CNTN4: variants seen among roughly 807,000 people sequenced by gnomAD.
CNTN4 encodes the protein contactin 4.
Under a neutral mutation model 122.5 loss-of-function variants are expected in CNTN4, and 77 were observed. The ratio of observed to expected loss-of-function variants is 0.63; its 90% confidence interval spans 0.52 to 0.76. CNTN4 has a LOEUF of 0.76. Ranked by LOEUF, CNTN4 falls within the 30% of genes least tolerant of loss-of-function variation. The probability of loss-of-function intolerance (pLI) is 0.00; values close to 1 mark genes in which losing one functional copy is unlikely to be tolerated. For synonymous variants in CNTN4, 512 were observed against 447.0 expected (o/e 1.15, Z -1.83); for missense variants, 1,256 against 1,259.1 (o/e 1.00, Z 0.04).
At chr3:2,274,432 A>C (rs374136789) in intron 2 of CNTN4, among the ~76,000 whole-genome samples, 2 of 152,058 alleles carry the variant, frequency 1.3e-5, no homozygotes, top group African/African-American at 4.8e-5. Context: ...CATTCTAGAC[A>C]TTATTTGTTT....
At chr3:3,053,232 G>C (rs1226654848) in intron 23 of CNTN4, among the ~76,000 whole-genome samples, 1 of 152,028 alleles carries the variant, frequency 6.6e-6, no homozygotes, top group Non-Finnish European at 1.5e-5. Flanking sequence ...ACAGGGTTTC[G>C]CCATGTTGGT....
intron 12 of CNTN4, among the ~76,000 whole-genome samples, chr3:2,919,319 T>A (rs2094402943): frequency 7.4e-6 from 1 of 134,394 alleles, no homozygotes; most frequent in Non-Finnish European, 1.5e-5. Context: ...ACCACTGCAC[T>A]CCAGCCTGGG....
chr3:2,860,340 G>A (rs1437539808), intron 7 of CNTN4, among the ~76,000 whole-genome samples: 1 of 152,172 alleles, frequency 6.6e-6, no homozygotes, highest in African/African-American at 2.4e-5. Context: ...GGGTGTAGGA[G>A]TGGCGACTGG....
intron 2 of CNTN4, among the ~76,000 whole-genome samples, chr3:2,224,676 A>G (rs1482521235): frequency 6.6e-6 from 1 of 152,190 alleles, no homozygotes; most frequent in Non-Finnish European, 1.5e-5. Flanking sequence ...GGTAATATAG[A>G]AGACTTTAGC....
At chr3:2,161,423 G>A (rs1487212879) in intron 2 of CNTN4, among the ~76,000 whole-genome samples, 1 of 152,038 alleles carries the variant, frequency 6.6e-6, no homozygotes, top group African/African-American at 2.4e-5. Flanking sequence ...GCTTGGGGTC[G>A]GGGTGGCTTG....
chr3:3,044,360 G>T (rs1358097367), intron 23 of CNTN4, among the ~76,000 whole-genome samples: 1 of 152,160 alleles, frequency 6.6e-6, no homozygotes, highest in Non-Finnish European at 1.5e-5. Context: ...TTATGACTTT[G>T]CAATGTGGAT....
intron 4 of CNTN4, among the ~76,000 whole-genome samples, chr3:2,626,454 G>A (rs1022455996): frequency 4.7e-5 from 7 of 150,174 alleles, no homozygotes; most frequent in Non-Finnish European, 7.4e-5. Context: ...CCGAGATCGC[G>A]CCACCGCACT....
At chr3:2,720,521 G>A (rs1204535729) in intron 4 of CNTN4, among the ~76,000 whole-genome samples, 4 of 152,154 alleles carry the variant, frequency 2.6e-5, no homozygotes, top group Non-Finnish European at 5.9e-5. Context: ...GTGGAAAGAT[G>A]TGCTTGCTCA....
intron 3 of CNTN4, among the ~76,000 whole-genome samples, chr3:2,363,239 C>T (rs369974021): frequency 6.6e-4 from 100 of 152,288 alleles, no homozygotes; most frequent in African/African-American, 2.3e-3. Flanking sequence ...TTTCAAATGT[C>T]TCCTATGTAA....
At chr3:2,446,951 G>A (rs185866475) in intron 3 of CNTN4, among the ~76,000 whole-genome samples, 1 of 152,250 alleles carries the variant, frequency 6.6e-6, no homozygotes, top group East Asian at 1.9e-4. Context: ...CTGGGGTAGA[G>A]TAGATGAGCA....
chr3:2,383,185 A>G lies in CNTN4; in HGVS notation c.-89+43952A>G, dbSNP rs534371570. Among the ~76,000 whole-genome samples, 6 of 152,338 alleles carry G rather than the reference A, an allele frequency of 3.9e-5. 1 individual carries two copies. In the South Asian group the frequency reaches 1.2e-3, roughly 32 times the overall value. ...GGCAATATATTATGTAGTATTTCCC[A>G]GACTTATATGAGCATATAACTTAAC... On this transcript the variant is annotated intron_variant, in intron 3 of 24. Coordinates refer to ENST00000418658, the MANE Select transcript of CNTN4 (RefSeq NM_175607.3).
At chr3:2,494,235 T>C (rs2076392955) in intron 3 of CNTN4, among the ~76,000 whole-genome samples, 1 of 152,158 alleles carries the variant, frequency 6.6e-6, no homozygotes, top group Admixed American at 6.6e-5. Context: ...CCAAGGTGGT[T>C]GGGTTACAGA....
intron 13 of CNTN4, among the ~76,000 whole-genome samples, chr3:2,952,967 A>T (rs144517622): frequency 6.6e-6 from 1 of 152,314 alleles, no homozygotes; most frequent in East Asian, 1.9e-4. Context: ...TCTCCAGCTC[A>T]TTGTCATTCT....
At chr3:2,207,242 A>G (rs938255070) in intron 2 of CNTN4, among the ~76,000 whole-genome samples, 8 of 152,078 alleles carry the variant, frequency 5.3e-5, no homozygotes, top group African/African-American at 1.9e-4. Context: ...AATTAGGCCG[A>G]TTAATAACCC....
chr3:2,889,551 A>G (rs2094015277), intron 10 of CNTN4, among the ~76,000 whole-genome samples: 1 of 152,182 alleles, frequency 6.6e-6, no homozygotes, highest in African/African-American at 2.4e-5. Flanking sequence ...TTAACTGTGT[A>G]GGGCTCGTTT....
intron 3 of CNTN4, among the ~76,000 whole-genome samples, chr3:2,557,343 A>T (rs2078760822): frequency 6.6e-6 from 1 of 152,236 alleles, no homozygotes; most frequent in East Asian, 1.9e-4. Flanking sequence ...AGCTTACGCT[A>T]GTAGTAAATA....
intron 13 of CNTN4, among the ~76,000 whole-genome samples, chr3:2,986,872 G>A (rs137983830): frequency 6.4e-4 from 97 of 152,320 alleles, no homozygotes; most frequent in African/African-American, 2.3e-3. Flanking sequence ...TCGTAAGACA[G>A]ACACCATCCC....
In CNTN4 at chr3:2,406,182, A is replaced by G. The variant is rs187041335; in HGVS notation, c.-89+66949A>G. Among the ~76,000 whole-genome samples, 21 of 152,332 alleles carry G rather than the reference A, an allele frequency of 1.4e-4. 1 individual carries two copies. In the East Asian group the frequency reaches 4.0e-3, roughly 29 times the overall value. On this transcript the variant is annotated intron_variant, in intron 3 of 24. Coordinates refer to ENST00000418658, the MANE Select transcript of CNTN4 (RefSeq NM_175607.3). ...TCCTCCCAAAATTTATTAATTATAAAGGGGAAATGTTAAATTTCACATTGG... is the reference window on the plus strand; with the variant it reads ...TCCTCCCAAAATTTATTAATTATAAGGGGGAAATGTTAAATTTCACATTGG...
chr3:2,953,238 G>C (rs746756742), intron 13 of CNTN4, among the ~76,000 whole-genome samples: 11 of 152,262 alleles, frequency 7.2e-5, no homozygotes, highest in Non-Finnish European at 1.3e-4. Flanking sequence ...CATCTACCAA[G>C]CTCCCCTAAC....
Sources: allele counts gnomAD v4.1 joint callset (sites outside exome capture counted in the v4.1 genomes callset), GRCh38; gene constraint gnomAD v4.1.1; transcripts MANE v1.5; gene names NCBI Gene and HGNC (gene_info 2026-07-23, HGNC 2026-07-21).